SPATA16: variants seen among roughly 807,000 people sequenced by gnomAD.
SPATA16 encodes the protein spermatogenesis-associated protein 16.
SPATA16 carries 36 observed loss-of-function variants against 63.3 expected under a neutral mutation model. That is an observed-to-expected ratio of 0.57 (90% CI 0.44 to 0.75). The LOEUF (loss-of-function observed/expected upper bound fraction) is 0.75, where lower values mean the gene tolerates loss of function less well. Ranked by LOEUF, SPATA16 falls within the 30% of genes least tolerant of loss-of-function variation. The pLI is 0.00. For missense variants in SPATA16, 646 were observed against 679.3 expected (o/e 0.95, Z 0.54); for synonymous variants, 203 against 216.7 (o/e 0.94, Z 0.56).
chr3:173,021,263 A>C (rs1243835794), intron 3 of SPATA16, among the ~76,000 whole-genome samples: 2 of 152,220 alleles, frequency 1.3e-5, no homozygotes, highest in Non-Finnish European at 2.9e-5. Context: ...TAACTAGTTA[A>C]AGAGCTGTCT....
chr3:173,029,081 G>T (rs893726459), intron 3 of SPATA16, among the ~76,000 whole-genome samples: 13 of 151,950 alleles, frequency 8.6e-5, no homozygotes, highest in Non-Finnish European at 1.6e-4. Flanking sequence ...CATAAGGGGG[G>T]ACTTACTAAC....
intron 1 of SPATA16, among the ~76,000 whole-genome samples, chr3:173,127,066 ATAATTT>A (rs921475959): frequency 2.0e-5 from 3 of 152,238 alleles, no homozygotes; most frequent in Admixed American, 1.3e-4. Context: ...TTTATTTAAA[ATAATTT>A]TAAGTTTACA....
chr3:172,909,152 G>A (rs1478484493), intron 10 of SPATA16, among the ~76,000 whole-genome samples: 1 of 152,174 alleles, frequency 6.6e-6, no homozygotes, highest in Admixed American at 6.5e-5. Flanking sequence ...TTTCAGCCTT[G>A]GAGGCCTTGA....
At chr3:172,903,348 A>G (rs560114902) in intron 10 of SPATA16, among the ~76,000 whole-genome samples, 3 of 152,200 alleles carry the variant, frequency 2.0e-5, no homozygotes, top group Non-Finnish European at 4.4e-5. Flanking sequence ...AAACTCCTCT[A>G]ATAGATTTGG....
intron 4 of SPATA16, among the ~76,000 whole-genome samples, chr3:172,980,921 T>C (rs930579815): frequency 9.2e-5 from 14 of 152,316 alleles, no homozygotes; most frequent in Non-Finnish European, 1.6e-4. Context: ...AATTTTTCTC[T>C]TCCTGTTGTC....
chr3:172,922,636 C>T (rs1732637250), intron 8 of SPATA16, among the ~76,000 whole-genome samples: 1 of 152,110 alleles, frequency 6.6e-6, no homozygotes, highest in Non-Finnish European at 1.5e-5. Flanking sequence ...AAGAGCCAGG[C>T]CTGGCCAGGC....
chr3:173,027,643 G>A (rs1458274164), intron 3 of SPATA16, among the ~76,000 whole-genome samples: 2 of 151,626 alleles, frequency 1.3e-5, no homozygotes, highest in Admixed American at 6.6e-5. Flanking sequence ...TGAATATGTG[G>A]TTGGTCTCAT....
chr3:172,930,553 C>CTTTTTTTT (rs34780432), intron 6 of SPATA16, among the ~76,000 whole-genome samples: 20 of 87,386 alleles, frequency 2.3e-4, no homozygotes, highest in East Asian at 1.1e-3. Context: ...CATTCAAACT[C>CTTTTTTTT]TTTTTTTTTT....
intron 5 of SPATA16, among the ~76,000 whole-genome samples, chr3:172,968,201 G>C (rs529042931): frequency 9.2e-5 from 14 of 152,182 alleles, no homozygotes; most frequent in Admixed American, 6.5e-4. Flanking sequence ...AGTGAAGCAC[G>C]CTGCCCCTTG....
intron 3 of SPATA16, among the ~76,000 whole-genome samples, chr3:173,039,111 A>T (rs1735782014): frequency 1.3e-5 from 2 of 151,908 alleles, no homozygotes; most frequent in African/African-American, 4.8e-5. Flanking sequence ...TTTTTTTTTA[A>T]ACCCCAGGAC....
chr3:173,087,787 AGTTTG>A (rs1737096240), intron 2 of SPATA16, among the ~76,000 whole-genome samples: 1 of 152,058 alleles, frequency 6.6e-6, no homozygotes, highest in Non-Finnish European at 1.5e-5. Flanking sequence ...TATGAAGCTT[AGTTTG>A]GTTGGATATG....
At chr3:173,083,422 T>C (rs1736969755) in intron 2 of SPATA16, among the ~76,000 whole-genome samples, 1 of 152,120 alleles carries the variant, frequency 6.6e-6, no homozygotes, top group African/African-American at 2.4e-5. Flanking sequence ...AATATGAAAA[T>C]TTTGTACAAT....
chr3:173,103,422 C>T (rs1737542280), intron 2 of SPATA16, among the ~76,000 whole-genome samples: 1 of 152,254 alleles, frequency 6.6e-6, no homozygotes, highest in African/African-American at 2.4e-5. Flanking sequence ...TTCCATACAT[C>T]TTCTGAAATC....
rs372292808 is a variant in SPATA16, at chr3:173,090,065, T to C, written c.612+27055A>G. 2.0e-4 allele frequency among the ~76,000 whole-genome samples: 31 copies of C among 152,288 alleles called. 2 individuals are homozygous for C. The highest frequency in any genetic ancestry group is 7.5e-4 in the African/African-American group (31 of 41,572). ...AGAAATCCCAGAAAAAATGTTGATATAGTTTGGATGTGTCCCTATCCAACT... is the reference window on the plus strand; with the variant it reads ...AGAAATCCCAGAAAAAATGTTGATACAGTTTGGATGTGTCCCTATCCAACT... On this transcript the variant is annotated intron_variant, in intron 2 of 10. Coordinates refer to ENST00000351008, the MANE Select transcript of SPATA16 (RefSeq NM_031955.6).
At chr3:172,915,696 C>A (rs1336641011) in intron 9 of SPATA16, among the ~76,000 whole-genome samples, 1 of 152,050 alleles carries the variant, frequency 6.6e-6, no homozygotes, top group Non-Finnish European at 1.5e-5. Context: ...CTGTGAGAAT[C>A]CCTTCAACTA....
rs747958507 is a variant in SPATA16, at chr3:173,117,513, T to G, written c.219A>C (p.Gln73His). 1.2e-6 allele frequency: 2 copies of G among 1,614,196 alleles called. No individual in the cohort carries two copies. The highest frequency in any genetic ancestry group is 2.2e-5 in the South Asian group (2 of 91,084). Residue 73 changes from glutamine (Q) to histidine (H), a missense_variant, in exon 2 of 11, where the codon CAA becomes CAC. Coordinates refer to ENST00000351008, the MANE Select transcript of SPATA16 (RefSeq NM_031955.6). Reference sequence around the variant, plus strand: ...AGGCTGCTTTCTCTAAATCATTGCTTTGTTTTTCTTTGATGCCCTTTGTCA... The same window carrying G: ...AGGCTGCTTTCTCTAAATCATTGCTGTGTTTTTCTTTGATGCCCTTTGTCA... ...TKMTKGIKEKQSNDLEKAAFK... is the reference protein window; with the variant it reads ...TKMTKGIKEKHSNDLEKAAFK...
intron 4 of SPATA16, among the ~76,000 whole-genome samples, chr3:172,987,270 T>C (rs1221710729): frequency 6.6e-6 from 1 of 152,168 alleles, no homozygotes; most frequent in Non-Finnish European, 1.5e-5. Flanking sequence ...AGTCAAATAA[T>C]CTGTTGCTCT....
At chr3:172,950,330 C>A (rs953974418) in intron 6 of SPATA16, among the ~76,000 whole-genome samples, 1 of 152,066 alleles carries the variant, frequency 6.6e-6, no homozygotes, top group Admixed American at 6.6e-5. Flanking sequence ...GGAAGATCAA[C>A]GTTTTAATAT....
chr3:172,975,162 G>A (rs942917688), intron 5 of SPATA16, among the ~76,000 whole-genome samples: 3 of 152,128 alleles, frequency 2.0e-5, no homozygotes, highest in African/African-American at 7.2e-5. Flanking sequence ...ATAATGTGCT[G>A]ACATAACAAG....
Sources: allele counts gnomAD v4.1 joint callset (sites outside exome capture counted in the v4.1 genomes callset), GRCh38; gene constraint gnomAD v4.1.1; transcripts MANE v1.5; gene names NCBI Gene and HGNC (gene_info 2026-07-23, HGNC 2026-07-21).